The following RSF1 variants were observed in gnomAD, a reference collection of about 807,000 sequenced individuals.
RSF1 encodes HBV pX-associated protein 8.
RSF1 carries 13 observed loss-of-function variants against 145.2 expected under a neutral mutation model. The observed-to-expected ratio is 0.09, with a 90% CI of 0.06 to 0.14. The LOEUF is 0.14. Among genes scored for constraint, RSF1 ranks in the 10% least tolerant of loss-of-function variants. RSF1 has a pLI of 1.00. For missense variants in RSF1, 1,517 were observed against 1,718.2 expected (o/e 0.88, Z 2.07); for synonymous variants, 577 against 592.6 (o/e 0.97, Z 0.38).
the RSF1 span, among the ~76,000 whole-genome samples, chr11:77,833,459 T>G: frequency 6.6e-6 from 1 of 152,176 alleles, no homozygotes; most frequent in Non-Finnish European, 1.5e-5. Context: ...GATCATCTAA[T>G]GCTGCTGCTG....
chr11:77,734,903 A>C (rs1410381695), intron 4 of RSF1: 1 of 1,582,368 alleles, frequency 6.3e-7, no homozygotes, highest in African/African-American at 1.3e-5. Flanking sequence ...TCACGGTCAA[A>C]GCAGTAAGAC....
intron 7 of RSF1, among the ~76,000 whole-genome samples, chr11:77,698,100 C>G (rs1473052560): frequency 1.3e-5 from 2 of 152,206 alleles, no homozygotes; most frequent in African/African-American, 4.8e-5. Context: ...CCTACCTCAG[C>G]CACCTGAGTA....
At chr11:77,686,582 C>G (rs1960013542) in intron 9 of RSF1, among the ~76,000 whole-genome samples, 1 of 151,866 alleles carries the variant, frequency 6.6e-6, no homozygotes, top group South Asian at 2.1e-4. Context: ...ATTAATGTAT[C>G]CAGCTGGCTA....
At position 77,725,648 on chromosome 11, in the gene RSF1, A is replaced by T; in HGVS notation, c.630T>A (p.Asp210Glu). Reference sequence around the variant, plus strand: ...GGCTAGAGTTTTTCAATAGTACAGGATCAATTTGTGCTTTCAGGAGTGCAA... The same window carrying T: ...GGCTAGAGTTTTTCAATAGTACAGGTTCAATTTGTGCTTTCAGGAGTGCAA... Reference protein sequence around the residue: ...ETLALLKAQIDPVLLKNSSQQ... With the variant: ...ETLALLKAQIEPVLLKNSSQQ... The change falls in exon 5 of 16, where the codon GAT becomes GAA. Residue 210 changes from aspartate to glutamate, a missense_variant. This residue lies in a region of RSF1 where 207 missense variants were observed against 191.4 expected (regional missense o/e 1.08). Coordinates refer to ENST00000308488, the MANE Select transcript of RSF1 (RefSeq NM_016578.4). 1 of 1,608,820 alleles carries T rather than the reference A, an allele frequency of 6.2e-7. No homozygotes were observed. Among genetic ancestry groups the T allele is most frequent in the Non-Finnish European group, 8.5e-7 (1 of 1,177,208 alleles).
chr11:77,869,688 C>T, the RSF1 span: 1 of 1,578,404 alleles, frequency 6.3e-7, no homozygotes, highest in Non-Finnish European at 8.7e-7. Flanking sequence ...AGATTGAGAG[C>T]AGGTACCTGT....
In RSF1 at chr11:77,665,538, T is replaced by C. The variant is rs1476422498; in HGVS notation, c.*1379A>G. 3.3e-5 allele frequency: 5 copies of C among 152,200 alleles called. No homozygotes were observed. The highest frequency in any genetic ancestry group is 7.4e-5 in the Non-Finnish European group (5 of 68,022). The allele number at this position is 152,200 out of a possible 1,614,324, so 9.4% of individuals were successfully genotyped here. A position where few individuals can be genotyped will look rare whatever the true frequency, so the allele number is the denominator to read the frequency against. ...TAGTGTCAATTACATGTTAGGTATT[T>C]AGTTAGTTACAAACCCTTTTTTCTT... On this transcript the variant is annotated 3_prime_UTR_variant, in exon 16 of 16. Coordinates refer to ENST00000308488, the MANE Select transcript of RSF1 (RefSeq NM_016578.4).
intron 8 of RSF1, among the ~76,000 whole-genome samples, chr11:77,691,906 T>C (rs1345811996): frequency 1.3e-5 from 2 of 152,222 alleles, no homozygotes; most frequent in Non-Finnish European, 2.9e-5. Context: ...TTATTTTATT[T>C]TTTGAGACAG....
rs765861363 is a variant in RSF1 at position 77,701,036 on chromosome 11, C to T, written c.2193G>A (p.Glu731=). The change falls in exon 6 of 16, where the codon GAG becomes GAA. Residue 731 remains glutamate (E), a synonymous_variant. Coordinates refer to ENST00000308488, the MANE Select transcript of RSF1 (RefSeq NM_016578.4). ...ATATCCTGATTGTTAATTTGATGCC[C>T]TCTTTCTGCCTTTCAGAGGTTATCT... ...NTEITSERQK[E]GIKLTIRISS... The T allele has an allele frequency of 9.9e-6, 16 of 1,613,628 alleles. No individual in the cohort carries two copies. The African/African-American group carries it at 2.1e-4, about 22-fold the overall frequency.
intron 2 of RSF1, among the ~76,000 whole-genome samples, chr11:77,758,877 ACTT>A (rs1948142477): frequency 6.6e-6 from 1 of 152,200 alleles, no homozygotes; most frequent in South Asian, 2.1e-4. Flanking sequence ...TTGCAATATA[ACTT>A]CTTCCATTCT....
chr11:77,862,541 T>A, the RSF1 span, among the ~76,000 whole-genome samples: 1 of 152,190 alleles, frequency 6.6e-6, no homozygotes, highest in East Asian at 1.9e-4. Context: ...GGTTCATTGT[T>A]TACCCCTTTG....
At chr11:77,737,656 G>T (rs1251114820) in intron 4 of RSF1, among the ~76,000 whole-genome samples, 2 of 139,254 alleles carry the variant, frequency 1.4e-5, no homozygotes. Context: ...GTGTGTGTGT[G>T]TGTGTGTGTG....
intron 1 of RSF1, 136 bp from the exon 2 acceptor site, chr11:77,764,825 G>T: frequency 1.7e-6 from 1 of 571,824 alleles, no homozygotes; most frequent in Non-Finnish European, 3.0e-6. Context: ...CTAACTTTTA[G>T]ACCTCTGAAT....
intron 1 of RSF1, among the ~76,000 whole-genome samples, chr11:77,775,789 C>T (rs1948336333): frequency 6.6e-6 from 1 of 152,080 alleles, no homozygotes; most frequent in African/African-American, 2.4e-5. Flanking sequence ...TTTGTTTAAA[C>T]ACAGAGTCTT....
the RSF1 span, among the ~76,000 whole-genome samples, chr11:77,845,594 C>T: frequency 6.6e-6 from 1 of 151,966 alleles, no homozygotes; most frequent in Non-Finnish European, 1.5e-5. Flanking sequence ...CCATGTCCAG[C>T]TCTTTTTGTA....
intron 1 of RSF1, among the ~76,000 whole-genome samples, chr11:77,801,966 G>A (rs1051106572): frequency 1.3e-5 from 2 of 151,712 alleles, no homozygotes; most frequent in African/African-American, 4.8e-5. Flanking sequence ...AGGAATGCAA[G>A]AACAGCCTGG....
At chr11:77,807,883 G>A (rs1590899196) in intron 1 of RSF1, among the ~76,000 whole-genome samples, 1 of 152,262 alleles carries the variant, frequency 6.6e-6, no homozygotes, top group East Asian at 1.9e-4. Flanking sequence ...TTTAATTAGG[G>A]TAAATGGAAG....
chr11:77,835,607 T>C, the RSF1 span, among the ~76,000 whole-genome samples: 1 of 152,204 alleles, frequency 6.6e-6, no homozygotes, highest in Admixed American at 6.5e-5. Context: ...ATGCATTTCC[T>C]TATTTAATAG....
chr11:77,800,646 T>G (rs961828482), intron 1 of RSF1, among the ~76,000 whole-genome samples: 13 of 152,068 alleles, frequency 8.5e-5, no homozygotes, highest in Non-Finnish European at 1.3e-4. Flanking sequence ...GAGGATCACT[T>G]GAGGTCAAGA....
intron 5 of RSF1, among the ~76,000 whole-genome samples, chr11:77,716,318 C>T (rs1459201956): frequency 2.0e-5 from 3 of 152,186 alleles, no homozygotes; most frequent in Non-Finnish European, 4.4e-5. Flanking sequence ...GATATCTGCA[C>T]TCCCATGTTC....
Sources: gnomAD v4.1 joint callset for allele counts (sites outside exome capture counted in the v4.1 genomes callset) on GRCh38, gnomAD v4.1.1 for gene constraint, gnomAD v4.1.1 regional missense constraint, MANE v1.5 for transcripts, NCBI Gene and HGNC (gene_info 2026-07-23, HGNC 2026-07-21) for gene names.